The following SPATA13 variants were observed in gnomAD, a reference collection of about 807,000 sequenced individuals.
SPATA13 encodes the protein spermatogenesis-associated protein 13.
In SPATA13, 50 loss-of-function variants were observed where a neutral mutation model predicts 104.0. The observed-to-expected ratio is 0.48, with a 90% CI of 0.38 to 0.61. The LOEUF (loss-of-function observed/expected upper bound fraction) is 0.61, where lower values mean the gene tolerates loss of function less well. Ranked by LOEUF, SPATA13 falls within the 20% of genes least tolerant of loss-of-function variation. SPATA13 has a pLI of 0.00. For synonymous variants in SPATA13, 606 were observed against 667.5 expected (o/e 0.91, Z 1.42); for missense variants, 1,524 against 1,690.6 (o/e 0.90, Z 1.73).
chr13:24,031,128 T>G (rs113943373), intron 3 of SPATA13, among the ~76,000 whole-genome samples: 1 of 152,240 alleles, frequency 6.6e-6, no homozygotes, highest in Non-Finnish European at 1.5e-5. Flanking sequence ...TGTGGCTGAT[T>G]TATTCATTGA....
chr13:23,981,885 A>G (rs1249410613), intron 1 of SPATA13, among the ~76,000 whole-genome samples: 3 of 152,110 alleles, frequency 2.0e-5, no homozygotes, highest in Admixed American at 6.5e-5. Context: ...CTGTGATGCA[A>G]TTTTCTTTTT....
At chr13:23,983,172 A>G (rs1874980760) in intron 1 of SPATA13, among the ~76,000 whole-genome samples, 1 of 152,168 alleles carries the variant, frequency 6.6e-6, no homozygotes, top group Non-Finnish European at 1.5e-5. Context: ...GGCTTAAGTG[A>G]CAGACCTTGA....
chr13:24,056,533 G>A (rs781160117), intron 3 of SPATA13, among the ~76,000 whole-genome samples: 15 of 152,180 alleles, frequency 9.9e-5, no homozygotes, highest in Non-Finnish European at 1.9e-4. Context: ...ATGTTTGACT[G>A]TTTCTTCTCT....
Position 24,150,094 on chromosome 13 carries a change from C to T in SPATA13, c.-111-72725C>T, listed in dbSNP as rs567903045. 8.5e-5 allele frequency among the ~76,000 whole-genome samples: 13 copies of T among 152,114 alleles called. No individual in the cohort carries two copies. In the East Asian group the frequency reaches 2.5e-3, roughly 29 times the overall value. ...GCAGCCTGGAGGAGACGGAGCTGGG[C>T]AATGCTGAGATTCTTAGGTGGACTG... On this transcript the variant is annotated intron_variant, in intron 3 of 14. Coordinates refer to the SPATA13 transcript ENST00000424834.
intron 3 of SPATA13, among the ~76,000 whole-genome samples, chr13:24,024,190 C>T (rs1390501064): frequency 2.0e-5 from 3 of 152,222 alleles, no homozygotes; most frequent in Non-Finnish European, 4.4e-5. Flanking sequence ...GGTGACCAGT[C>T]ACACTGTGAA....
intron 3 of SPATA13, among the ~76,000 whole-genome samples, chr13:24,141,098 C>A (rs1196616251): frequency 6.6e-6 from 1 of 151,626 alleles, no homozygotes; most frequent in East Asian, 1.9e-4. Flanking sequence ...TTGCTTGAAC[C>A]CGGGAGGCAG....
chr13:23,989,754 A>G (rs974715093), intron 2 of SPATA13, among the ~76,000 whole-genome samples: 5 of 152,162 alleles, frequency 3.3e-5, no homozygotes, highest in Admixed American at 2.6e-4. Context: ...TCTAACCCCC[A>G]ATGTGATGGT....
At position 24,302,739 on chromosome 13, in the gene SPATA13, A is replaced by G. The variant is rs752355550; in HGVS notation, c.3800A>G (p.His1267Arg). ...AAGAGGAAGTCCTCGCTCTTCTGGC[A>G]CACCTTCAACAGGCTCACCCCCTTC... The part of the protein sequence containing the change: ...EPKRKSSLFW[H>R]TFNRLTPFRK The change falls in exon 13 of 13, where the codon CAC (histidine) becomes CGC (arginine). Residue 1267 changes from histidine to arginine, a missense_variant. This residue lies in a region of SPATA13 where 435 missense variants were observed against 554.8 expected (regional missense o/e 0.78). Transcript: ENST00000382108. The G allele has an allele frequency of 1.1e-5, 17 of 1,614,148 alleles. No individual in the cohort carries two copies. The South Asian group carries it at 1.5e-4, about 15-fold the overall frequency.
chr13:23,982,856 G>A (rs959545051), intron 1 of SPATA13, among the ~76,000 whole-genome samples: 16 of 152,186 alleles, frequency 1.1e-4, no homozygotes, highest in Non-Finnish European at 1.9e-4. Flanking sequence ...ACACGTGTGA[G>A]CTTCGGGAGG....
At chr13:24,126,221 G>A (rs749244495) in intron 3 of SPATA13, among the ~76,000 whole-genome samples, 1 of 152,192 alleles carries the variant, frequency 6.6e-6, no homozygotes. Context: ...GGAGCCATGG[G>A]GAGCCTTTGC....
At chr13:24,121,273 G>T (rs554689308) in intron 3 of SPATA13, among the ~76,000 whole-genome samples, 2 of 152,126 alleles carry the variant, frequency 1.3e-5, no homozygotes, top group South Asian at 4.2e-4. Context: ...TTTACATACC[G>T]AATTCAAGTC....
At chr13:24,042,447 G>T (rs55988908) in intron 3 of SPATA13, among the ~76,000 whole-genome samples, 71,401 of 152,006 alleles carry the variant, frequency 0.47, 17,557 homozygotes, top group African/African-American at 0.61. Context: ...TGTTTCCAAA[G>T]CAAACCAGGC....
chr13:24,281,309 C>CTG (rs546895911), intron 4 of SPATA13, among the ~76,000 whole-genome samples: 43 of 152,352 alleles, frequency 2.8e-4, no homozygotes, highest in Admixed American at 2.8e-3. Context: ...GACACAGGCC[C>CTG]TGACCTTTCC....
intron 3 of SPATA13, among the ~76,000 whole-genome samples, chr13:24,098,882 G>A (rs1247702041): frequency 1.4e-5 from 2 of 144,314 alleles, no homozygotes; most frequent in African/African-American, 5.2e-5. Flanking sequence ...AGCTGCGATC[G>A]CACCACTGCA....
intron 1 of SPATA13, among the ~76,000 whole-genome samples, chr13:24,189,539 T>C (rs12876068): frequency 7.4e-6 from 1 of 135,486 alleles, no homozygotes; most frequent in African/African-American, 2.8e-5. Context: ...TACATATTTA[T>C]ATTTAAATAT....
intron 3 of SPATA13, among the ~76,000 whole-genome samples, chr13:24,115,030 C>T (rs762775038): frequency 2.0e-5 from 3 of 152,150 alleles, no homozygotes; most frequent in African/African-American, 7.2e-5. Context: ...TTTCCAGAAA[C>T]ATTGTTTTAG....
chr13:24,078,967 C>G (rs1308601684), intron 3 of SPATA13, among the ~76,000 whole-genome samples: 1 of 152,246 alleles, frequency 6.6e-6, no homozygotes, highest in Non-Finnish European at 1.5e-5. Flanking sequence ...ACTGTATCAT[C>G]ACCCAATATA....
At chr13:24,118,603 T>C (rs74042437) in intron 3 of SPATA13, among the ~76,000 whole-genome samples, 1,779 of 152,218 alleles carry the variant, frequency 0.012, 44 homozygotes, top group African/African-American at 0.04. Flanking sequence ...CCAGTGGGTC[T>C]GGGGTAGGGT....
intron 1 of SPATA13, among the ~76,000 whole-genome samples, chr13:24,208,356 G>A (rs7323711): frequency 0.93 from 141,578 of 152,266 alleles, 66,768 homozygotes; most frequent in East Asian, 1. Flanking sequence ...CCAATTCCAA[G>A]TTGCACCACT....
Sources: allele counts gnomAD v4.1 joint callset (sites outside exome capture counted in the v4.1 genomes callset), GRCh38; gene constraint gnomAD v4.1.1; regional missense constraint gnomAD v4.1.1; transcripts MANE v1.5; gene names NCBI Gene and HGNC (gene_info 2026-07-23, HGNC 2026-07-21).